RYR2: variants seen among roughly 807,000 people sequenced by gnomAD.
RYR2 encodes ryanodine receptor 2, also known as cardiac muscle ryanodine receptor-calcium release channel.
RYR2 carries 227 observed loss-of-function variants against 601.1 expected under a neutral mutation model. That is an observed-to-expected ratio of 0.38 (90% confidence interval 0.34 to 0.42). RYR2 has a LOEUF of 0.42. Ranked by LOEUF, RYR2 falls within the 10% of genes least tolerant of loss-of-function variation. The pLI is 1.00. For synonymous variants in RYR2, 2,223 were observed against 2,175.1 expected (o/e 1.02, Z -0.61); for missense variants, 4,646 against 6,156.5 (o/e 0.75, Z 8.21).
chr1:237,824,725 A>G (rs1334381541), intron 101 of RYR2, among the ~76,000 whole-genome samples: 1 of 152,100 alleles, frequency 6.6e-6, no homozygotes, highest in East Asian at 1.9e-4. Context: ...ATTAGGAAGA[A>G]AGGAAGTCGA....
chr1:237,308,787 G>A (rs1206928646), intron 2 of RYR2, among the ~76,000 whole-genome samples: 3 of 152,212 alleles, frequency 2.0e-5, no homozygotes, highest in Non-Finnish European at 4.4e-5. Context: ...AAAGGGACCT[G>A]AGCAGGTTGC....
chr1:237,651,864 C>T (rs988630615), intron 51 of RYR2, among the ~76,000 whole-genome samples: 8 of 152,160 alleles, frequency 5.3e-5, no homozygotes, highest in South Asian at 4.2e-4. Flanking sequence ...GGTGAAACCC[C>T]GTCTCTATAA....
chr1:237,184,647 T>C (rs1679146725), intron 1 of RYR2, among the ~76,000 whole-genome samples: 1 of 152,178 alleles, frequency 6.6e-6, no homozygotes, highest in Non-Finnish European at 1.5e-5. Flanking sequence ...TATACTGAAG[T>C]ACCATTTGAG....
rs535984502 is a variant in RYR2 at position 237,136,989 on chromosome 1, C to T, written c.48+94420C>T. ...CCGAGATCATGCCACTGCACTCCAG[C>T]CTGGGTGATGGAGCAAGACTCCATC... On this transcript the variant is annotated intron_variant, in intron 1 of 104. Transcript: ENST00000366574. 1.4e-4 allele frequency among the ~76,000 whole-genome samples: 21 copies of T among 146,744 alleles called. 1 individual carries two copies. Among genetic ancestry groups the T allele is most frequent in the African/African-American group, 4.8e-4 (19 of 39,370 alleles).
At chr1:237,826,881 G>A (rs1663149791) in intron 101 of RYR2, among the ~76,000 whole-genome samples, 1 of 152,046 alleles carries the variant, frequency 6.6e-6, no homozygotes, top group Admixed American at 6.6e-5. Flanking sequence ...AGCTAAACAG[G>A]GCTGGAATCC....
rs921844965 is a variant in RYR2 at position 237,141,080 on chromosome 1, G to A, written c.48+98511G>A. 3.9e-5 allele frequency among the ~76,000 whole-genome samples: 6 copies of A among 152,188 alleles called. 1 individual carries two copies. The highest frequency in any genetic ancestry group is 3.9e-4 in the Admixed American group (6 of 15,270). On this transcript the variant is annotated intron_variant, in intron 1 of 104. Coordinates refer to ENST00000366574, the MANE Select transcript of RYR2 (RefSeq NM_001035.3). ...TTGTACATGTCTTCTTGTGCAAAGT[G>A]TGAGAACAGCTTCTGGATGTATTTA...
chr1:237,312,034 G>T (rs1009236670), intron 2 of RYR2, among the ~76,000 whole-genome samples: 1 of 152,188 alleles, frequency 6.6e-6, no homozygotes, highest in Non-Finnish European at 1.5e-5. Flanking sequence ...GAATTGCACT[G>T]ATTCTGTTTC....
intron 1 of RYR2, chr1:237,121,164 A>C (rs1213575801): frequency 2.6e-5 from 4 of 152,160 alleles, no homozygotes; most frequent in Admixed American, 6.5e-5. Flanking sequence ...AATGATAACT[A>C]TCCAAGGAGG....
chr1:237,705,251 C>A lies in RYR2; in HGVS notation c.9488C>A (p.Ala3163Asp). 6.2e-7 allele frequency: 1 copy of A among 1,607,358 alleles called. No individual in the cohort carries two copies. Among genetic ancestry groups the A allele is most frequent in the Non-Finnish European group, 8.5e-7 (1 of 1,176,138 alleles). Residue 3163 changes from alanine (A) to aspartate (D), a missense_variant, in exon 67 of 105, where the codon GCT becomes GAT. Ala to Asp is a moderately radical substitution (Grantham distance 126). This residue lies in a region of RYR2 where 1,497 missense variants were observed against 1,842.6 expected (regional missense o/e 0.81). Transcript: ENST00000366574. ...SALGECLAAF[A>D]GAFPVAFLET... ...TTAGGAGAATGTCTAGCTGCCTTTG[C>A]TGGTGCTTTTCCTGTAGCATTTTTG...
At chr1:237,761,170 T>C (rs1693404273) in intron 84 of RYR2, 142 bp downstream of exon 84, 1 of 637,500 alleles carries the variant, frequency 1.6e-6, no homozygotes. Context: ...TCAAAGTTCA[T>C]AGTTGGACAC....
intron 56 of RYR2, among the ~76,000 whole-genome samples, chr1:237,665,737 ACACT>A (rs1290102988): frequency 6.6e-6 from 1 of 152,174 alleles, no homozygotes; most frequent in Non-Finnish European, 1.5e-5. Flanking sequence ...AGCATATGTA[ACACT>A]CACTTTTATT....
intron 6 of RYR2, 52 bp downstream of exon 6, chr1:237,369,660 G>C: frequency 6.9e-7 from 1 of 1,442,366 alleles, no homozygotes; most frequent in Non-Finnish European, 9.5e-7. Context: ...TCCATTTGGG[G>C]GTACATGGTC....
Position 237,395,533 on chromosome 1 carries a change from C to CTTTTTT in RYR2, c.773+7376_773+7381dup, listed in dbSNP as rs71180022. Among the ~76,000 whole-genome samples the CTTTTTT allele has an allele frequency of 5.7e-4, 50 of 87,426 alleles. 2 individuals carry two copies. The highest frequency in any genetic ancestry group is 8.8e-4 in the African/African-American group (19 of 21,586). 57.4% of individuals were successfully genotyped at this position (87,426 alleles called of 152,430 possible). A position where few individuals can be genotyped will look rare whatever the true frequency, so the allele number is the denominator to read the frequency against. On this transcript the variant is annotated intron_variant, in intron 10 of 104. Coordinates refer to ENST00000366574, the MANE Select transcript of RYR2 (RefSeq NM_001035.3). Reference sequence around the variant, plus strand: ...AGGACACGTCCGCTAGTAGGACTGTCTTTTTTTTTTTTTTTTTTTTTTTTT... The same window carrying CTTTTTT: ...AGGACACGTCCGCTAGTAGGACTGTCTTTTTTTTTTTTTTTTTTTTTTTTTTTTTTT...
At chr1:237,280,932 G>A (rs1053876716) in intron 2 of RYR2, among the ~76,000 whole-genome samples, 7 of 151,906 alleles carry the variant, frequency 4.6e-5, no homozygotes, top group East Asian at 3.9e-4. Flanking sequence ...TTACAGGCAC[G>A]CACCACCACA....
chr1:237,387,001 G>A (rs574907308), intron 8 of RYR2, among the ~76,000 whole-genome samples: 1 of 152,308 alleles, frequency 6.6e-6, no homozygotes, highest in African/African-American at 2.4e-5. Flanking sequence ...AACAAAAATA[G>A]TATCTTGTTA....
At chr1:237,713,814 A>G (rs1414004990) in intron 71 of RYR2, among the ~76,000 whole-genome samples, 4 of 152,246 alleles carry the variant, frequency 2.6e-5, no homozygotes, top group South Asian at 4.2e-4. Context: ...TGCATTATAC[A>G]ATTGTACTCT....
At chr1:237,425,641 A>G (rs1706076927) in intron 12 of RYR2, among the ~76,000 whole-genome samples, 1 of 152,066 alleles carries the variant, frequency 6.6e-6, no homozygotes, top group South Asian at 2.1e-4. Flanking sequence ...CTCAAAAAAA[A>G]AAAGCTATAA....
intron 2 of RYR2, among the ~76,000 whole-genome samples, chr1:237,313,727 A>T (rs984699779): frequency 1.3e-5 from 2 of 152,248 alleles, no homozygotes; most frequent in Admixed American, 6.5e-5. Context: ...CTAGGTATGT[A>T]GGAAAAGAAA....
intron 2 of RYR2, among the ~76,000 whole-genome samples, chr1:237,285,434 TG>T (rs1304398967): frequency 2.0e-5 from 3 of 152,198 alleles, no homozygotes; most frequent in Admixed American, 6.5e-5. Flanking sequence ...GTTAGTATTT[TG>T]TTGAGGATTT....
Sources: allele counts gnomAD v4.1 joint callset (sites outside exome capture counted in the v4.1 genomes callset), GRCh38; gene constraint gnomAD v4.1.1; regional missense constraint gnomAD v4.1.1; transcripts MANE v1.5; gene names NCBI Gene and HGNC (gene_info 2026-07-23, HGNC 2026-07-21).